CSMD1: variants seen among roughly 807,000 people sequenced by gnomAD.
CSMD1 encodes CUB and sushi domain-containing protein 1.
CSMD1 carries 213 observed loss-of-function variants against 417.5 expected under a neutral mutation model. That is an observed-to-expected ratio of 0.51 (90% CI 0.46 to 0.57). CSMD1 has a LOEUF of 0.57. CSMD1 is among the 20% of genes least tolerant of loss of function. The pLI is 0.00. For missense variants in CSMD1, 6,923 were observed against 4,529.7 expected, an observed-to-expected ratio of 1.53 and a Z score of -15.17; for synonymous variants, 2,862 against 1,736.8, an observed-to-expected ratio of 1.65 and a Z score of -16.11.
chr8:3,668,746 G>T (rs998113437), intron 7 of CSMD1, among the ~76,000 whole-genome samples: 5 of 152,106 alleles, frequency 3.3e-5, no homozygotes, highest in African/African-American at 1.2e-4. Flanking sequence ...CCAACGCTAG[G>T]GAAGACCCAT....
At chr8:4,110,172 G>A (rs1018909817) in intron 3 of CSMD1, among the ~76,000 whole-genome samples, 1 of 151,912 alleles carries the variant, frequency 6.6e-6, no homozygotes, top group Non-Finnish European at 1.5e-5. Context: ...CATTTCATCT[G>A]GATCACATAT....
At chr8:3,931,977 G>A (rs866981069) in intron 5 of CSMD1, among the ~76,000 whole-genome samples, 1 of 149,524 alleles carries the variant, frequency 6.7e-6, no homozygotes, top group African/African-American at 2.5e-5. Context: ...AATTAAAATA[G>A]TATTGATTTA....
chr8:4,512,498 T>A (rs942217256), intron 2 of CSMD1, among the ~76,000 whole-genome samples: 1 of 152,154 alleles, frequency 6.6e-6, no homozygotes. Context: ...GTTTATTCCC[T>A]GCAGGTGACA....
intron 3 of CSMD1, among the ~76,000 whole-genome samples, chr8:4,272,367 C>T (rs752297029): frequency 1.2e-4 from 19 of 152,120 alleles, no homozygotes; most frequent in Non-Finnish European, 1.3e-4. Context: ...GCTGTACATC[C>T]TTTCACCTGA....
chr8:4,623,661 T>C (rs373554525), intron 2 of CSMD1, among the ~76,000 whole-genome samples: 2 of 152,120 alleles, frequency 1.3e-5, no homozygotes, highest in African/African-American at 4.8e-5. Flanking sequence ...AAATGTACCA[T>C]TTTTATATGA....
intron 1 of CSMD1, among the ~76,000 whole-genome samples, chr8:4,823,912 G>A (rs1210054378): frequency 6.6e-6 from 1 of 151,972 alleles, no homozygotes; most frequent in Non-Finnish European, 1.5e-5. Flanking sequence ...AACAAGAGAA[G>A]AAAGAGGAAA....
At chr8:3,701,780 T>G (rs1800885132) in intron 7 of CSMD1, among the ~76,000 whole-genome samples, 1 of 152,186 alleles carries the variant, frequency 6.6e-6, no homozygotes, top group Non-Finnish European at 1.5e-5. Context: ...CATCACTTTA[T>G]GTGGCCTTCT....
chr8:4,812,222 G>C (rs1019198998), intron 1 of CSMD1, among the ~76,000 whole-genome samples: 2 of 152,150 alleles, frequency 1.3e-5, no homozygotes, highest in Admixed American at 6.6e-5. Flanking sequence ...GTCTCTAAGT[G>C]AGACACAACC....
Position 3,423,776 on chromosome 8 carries a change from A to T in CSMD1, c.1562-14171T>A, listed in dbSNP as rs140223322. On this transcript the variant is annotated intron_variant, in intron 12 of 69. Transcript: ENST00000635120. ...TAGGGGTGGAATTGTTGGATCACAG[A>T]ATAGGCACATACTTTTTGGTGAATG... 8.2e-4 allele frequency among the ~76,000 whole-genome samples: 125 copies of T among 152,294 alleles called. 3 individuals are homozygous for T. In the South Asian group the frequency reaches 0.011, roughly 13 times the overall value.
rs1819971328 is a variant in CSMD1, at chr8:3,162,676, A to G, written c.5726-399T>C. On this transcript the variant is annotated intron_variant, in intron 37 of 69. Coordinates refer to ENST00000635120, the MANE Select transcript of CSMD1 (RefSeq NM_033225.6). The stretch of plus-strand genomic sequence containing the variant: ...TTCAAGCATACTTAGCAGTCTTTAT[A>G]TAAAAAAATTATGTGTGAATCTTGG... 2.6e-5 allele frequency among the ~76,000 whole-genome samples: 4 copies of G among 152,008 alleles called. No homozygotes were observed. In the South Asian group the frequency reaches 8.3e-4, roughly 31 times the overall value.
At chr8:3,608,719 A>C (rs1050012560) in intron 8 of CSMD1, among the ~76,000 whole-genome samples, 1 of 149,938 alleles carries the variant, frequency 6.7e-6, no homozygotes, top group Admixed American at 6.7e-5. Context: ...AGCCGACATC[A>C]TGCCACTGCA....
chr8:4,171,182 T>A (rs184725869), intron 3 of CSMD1, among the ~76,000 whole-genome samples: 1 of 151,798 alleles, frequency 6.6e-6, no homozygotes, highest in Non-Finnish European at 1.5e-5. Context: ...GGATCAAATA[T>A]CCATCACCAT....
intron 53 of CSMD1, among the ~76,000 whole-genome samples, chr8:2,999,050 C>A (rs1807160349): frequency 6.6e-6 from 1 of 151,686 alleles, no homozygotes; most frequent in African/African-American, 2.4e-5. Context: ...AGTGAGAGTA[C>A]ATTGTTCGAA....
At chr8:3,181,273 A>G in intron 36 of CSMD1, 59 bp from the exon 37 acceptor site, 1 of 1,151,046 alleles carries the variant, frequency 8.7e-7, no homozygotes, top group Non-Finnish European at 1.3e-6. Flanking sequence ...TTTTCTAAAT[A>G]TAAAACATAT....
intron 37 of CSMD1, among the ~76,000 whole-genome samples, chr8:3,179,157 G>GAT: frequency 1.3e-5 from 2 of 151,400 alleles, no homozygotes; most frequent in South Asian, 4.2e-4. Context: ...GTGTTAGCCA[G>GAT]GACTGTCTCG....
chr8:4,550,151 T>A (rs1285171171), intron 2 of CSMD1, among the ~76,000 whole-genome samples: 1 of 151,826 alleles, frequency 6.6e-6, no homozygotes, highest in African/African-American at 2.4e-5. Flanking sequence ...TGTGGCCACA[T>A]GACGAAGGTC....
At chr8:3,336,929 TC>T (rs1234087071) in intron 23 of CSMD1, among the ~76,000 whole-genome samples, 1 of 151,930 alleles carries the variant, frequency 6.6e-6, no homozygotes, top group Non-Finnish European at 1.5e-5. Context: ...GTAATAATGC[TC>T]CCCTAAAAAA....
intron 40 of CSMD1, among the ~76,000 whole-genome samples, chr8:3,147,792 G>T (rs888627121): frequency 3.9e-5 from 6 of 152,186 alleles, no homozygotes; most frequent in African/African-American, 1.2e-4. Context: ...GTTTAACACA[G>T]TTTCCCAAAC....
chr8:4,985,737 T>C (rs116716957), intron 1 of CSMD1, among the ~76,000 whole-genome samples: 1,691 of 152,332 alleles, frequency 0.011, 39 homozygotes, highest in African/African-American at 0.039. Context: ...TCTGTATTGT[T>C]TCCATGTAAA....
Sources: gnomAD v4.1 joint callset for allele counts (sites outside exome capture counted in the v4.1 genomes callset) on GRCh38, gnomAD v4.1.1 for gene constraint, MANE v1.5 for transcripts, NCBI Gene and HGNC (gene_info 2026-07-23, HGNC 2026-07-21) for gene names.